The following CENPB variants were observed in gnomAD, a reference collection of about 807,000 sequenced individuals.
CENPB encodes major centromere autoantigen B.
A neutral mutation model predicts 41.9 loss-of-function variants in CENPB; 19 were observed. The observed-to-expected ratio is 0.45, with a 90% CI of 0.32 to 0.67. CENPB has a LOEUF of 0.67. Among genes scored for constraint, CENPB ranks in the 30% least tolerant of loss-of-function variants. The pLI is 0.04. For synonymous variants in CENPB, 399 were observed against 354.4 expected, an observed-to-expected ratio of 1.13 and a Z score of -1.41; for missense variants, 614 against 816.2, an observed-to-expected ratio of 0.75 and a Z score of 3.02.
Position 3,784,909 on chromosome 20 carries a change from TTCATCA to T in CENPB, c.1569_1574del (p.Asp523_Asp524del), listed in dbSNP as rs1374830574. ...CCTCATCATCATCGTCGTCTTCATC[TTCATCA>T]TCCTCTTCCTCATCGTCCTCTTCCT... On this transcript the variant is annotated inframe_deletion, in exon 1 of 1. Transcript: ENST00000379751. This position sits in a 1 kb window ranked among gnomAD's most constrained non-coding sequence, Gnocchi z 5.2. 1 of 1,613,976 alleles carries T rather than the reference TTCATCA, an allele frequency of 6.2e-7. No homozygotes were observed. The highest frequency in any genetic ancestry group is 1.1e-5 in the South Asian group (1 of 91,060).
chr20:3,785,842 G>C lies in CENPB; in HGVS notation c.642C>G (p.Gly214=). The part of the protein sequence containing the change: ...LPDQAAGLCG[G]DGRPRQATQR... ...GGGTGGCTTGACGCGGCCGTCCGTC[G>C]CCTCCGCACAGCCCCGCGGCCTGGT... Residue 214 remains glycine (G), a synonymous_variant, in exon 1 of 1, where the codon GGC becomes GGG. Coordinates refer to ENST00000379751, the MANE Select transcript of CENPB (RefSeq NM_001810.6). 1 of 1,608,666 alleles carries C rather than the reference G, an allele frequency of 6.2e-7. No individual in the cohort carries two copies. The highest frequency in any genetic ancestry group is 2.2e-5 in the East Asian group (1 of 44,728).
Position 3,784,701 on chromosome 20 carries a change from G to C in CENPB, c.1783C>G (p.Leu595Val). 6.2e-7 allele frequency: 1 copy of C among 1,614,046 alleles called. No individual in the cohort carries two copies. The highest frequency in any genetic ancestry group is 8.5e-7 in the Non-Finnish European group (1 of 1,179,984). ...NHARQAGVRG[L>V]GHQS Reference sequence around the variant, plus strand: ...CCAGTGACTCAGCTTTGATGTCCAAGACCTCGAACTCCCGCCTGCCTGGCG... The same window carrying C: ...CCAGTGACTCAGCTTTGATGTCCAACACCTCGAACTCCCGCCTGCCTGGCG... Residue 595 changes from leucine to valine, a missense_variant, in exon 1 of 1, where the codon CTT (leucine) becomes GTT (valine). Transcript: ENST00000379751. The surrounding 1 kb of genome is among the most constrained non-coding windows in gnomAD (Gnocchi z 5.2).
In CENPB at chr20:3,786,502, C is replaced by A; in HGVS notation, c.-19G>T. ...GGCCCATCCCGGCGCGCCCCCCGCC[C>A]CGGGGCCCGGCGCCGCCGCCGCCGC... On this transcript the variant is annotated 5_prime_UTR_variant, in exon 1 of 1. Transcript: ENST00000379751. 8.5e-7 allele frequency: 1 copy of A among 1,174,680 alleles called. No individual in the cohort carries two copies. Among genetic ancestry groups the A allele is most frequent in the Non-Finnish European group, 1.1e-6 (1 of 929,300 alleles). 72.8% of individuals were successfully genotyped at this position (1,174,680 alleles called of 1,614,324 possible).
rs1457919091 is a variant in CENPB at position 3,784,912 on chromosome 20, A to G, written c.1572T>C (p.Asp524=). ...CATCATCATCGTCGTCTTCATCTTCATCATCCTCTTCCTCATCGTCCTCTT... is the reference window on the plus strand; with the variant it reads ...CATCATCATCGTCGTCTTCATCTTCGTCATCCTCTTCCTCATCGTCCTCTT... ...SEEEDDEEED[D]EDEDDDDDEE... The change falls in exon 1 of 1, where the codon GAT becomes GAC. Residue 524 remains aspartate, a synonymous_variant. Coordinates refer to ENST00000379751, the MANE Select transcript of CENPB (RefSeq NM_001810.6). This position sits in a 1 kb window ranked among gnomAD's most constrained non-coding sequence, Gnocchi z 5.2. 1.8e-5 allele frequency: 29 copies of G among 1,613,854 alleles called. No homozygotes were observed. Among genetic ancestry groups the G allele is most frequent in the Non-Finnish European group, 2.3e-5 (27 of 1,179,888 alleles).
rs1307631278 is a variant in CENPB at position 3,785,224 on chromosome 20, A to G, written c.1260T>C (p.Gly420=). 1 of 1,231,156 alleles carries G rather than the reference A, an allele frequency of 8.1e-7. No homozygotes were observed. The highest frequency in any genetic ancestry group is 5.8e-5 in the East Asian group (1 of 17,140). 76.3% of individuals were successfully genotyped at this position (1,231,156 alleles called of 1,614,324 possible). ...CTTCCTCCTCCTCTTCCTCTCCTTC[A>G]CCCTCTTCCTCCTCCTCTTCTTCCT... The part of the protein sequence containing the change: ...EEEEEEEEEE[G]EGEEEEEEGE... Residue 420 remains glycine, a synonymous_variant, in exon 1 of 1, where the codon GGT becomes GGC. Transcript: ENST00000379751.
Position 3,784,662 on chromosome 20 carries a change from G to A in CENPB, c.*22C>T, listed in dbSNP as rs1386334397. On this transcript the variant is annotated 3_prime_UTR_variant, in exon 1 of 1. Coordinates refer to ENST00000379751, the MANE Select transcript of CENPB (RefSeq NM_001810.6). This position sits in a 1 kb window ranked among gnomAD's most constrained non-coding sequence, Gnocchi z 5.2. ...GGGTGGTGCTGCCAATCTAGGTTGG[G>A]GGCACAGCTAGGTCCAGTGACTCAG... 5.6e-6 allele frequency: 9 copies of A among 1,612,008 alleles called. No individual in the cohort carries two copies. The highest frequency in any genetic ancestry group is 6.8e-6 in the Non-Finnish European group (8 of 1,179,004).
In CENPB at chr20:3,785,839, G is replaced by A. The variant is rs1342210994; in HGVS notation, c.645C>T (p.Asp215=). ...GCTGGGTGGCTTGACGCGGCCGTCC[G>A]TCGCCTCCGCACAGCCCCGCGGCCT... ...PDQAAGLCGG[D]GRPRQATQRL... is the part of the protein sequence containing the mutation. The change falls in exon 1 of 1, where the codon GAC becomes GAT. Residue 215 remains aspartate, a synonymous_variant. Transcript: ENST00000379751. The A allele has an allele frequency of 2.5e-6, 4 of 1,608,788 alleles. No homozygotes were observed. Among genetic ancestry groups the A allele is most frequent in the Middle Eastern group, 1.7e-4 (1 of 6,048 alleles).
rs542584402 is a variant in CENPB, at chr20:3,786,044, G to A, written c.440C>T (p.Ala147Val). ...GVARARARNA[A>V]PRTPAAPASP... ...GGCAGGCGCCGCCGGGGTGCGGGGGGCAGCGTTTCGCGCGCGGGCGCGGGC... is the reference window on the plus strand; with the variant it reads ...GGCAGGCGCCGCCGGGGTGCGGGGGACAGCGTTTCGCGCGCGGGCGCGGGC... The change falls in exon 1 of 1, where the codon GCC becomes GTC. Residue 147 changes from alanine (A) to valine (V), a missense_variant. Transcript: ENST00000379751. 5 of 1,482,114 alleles carry A rather than the reference G, an allele frequency of 3.4e-6. No homozygotes were observed. The highest frequency in any genetic ancestry group is 3.5e-6 in the Non-Finnish European group (4 of 1,130,612). The allele number at this position is 1,482,114 out of a possible 1,614,324, so 91.8% of individuals were successfully genotyped here. A position where few individuals can be genotyped will look rare whatever the true frequency, so the allele number is the denominator to read the frequency against.
Position 3,784,866 on chromosome 20 carries a change from G to A in CENPB, c.1618C>T (p.Pro540Ser), listed in dbSNP as rs2088802997. ...ATGGCCTCCCCAAAGCTGGGTACAGGCACCTCATCACCATCCTCCTCATCA... is the reference window on the plus strand; with the variant it reads ...ATGGCCTCCCCAAAGCTGGGTACAGACACCTCATCACCATCCTCCTCATCA... ...DDDEEDGDEV[P>S]VPSFGEAMAY... The change falls in exon 1 of 1, where the codon CCT becomes TCT. Residue 540 changes from proline to serine, a missense_variant. Coordinates refer to ENST00000379751, the MANE Select transcript of CENPB (RefSeq NM_001810.6). This position sits in a 1 kb window ranked among gnomAD's most constrained non-coding sequence, Gnocchi z 5.2. 1.2e-6 allele frequency: 2 copies of A among 1,613,972 alleles called. No individual in the cohort carries two copies. Among genetic ancestry groups the A allele is most frequent in the Non-Finnish European group, 1.7e-6 (2 of 1,179,952 alleles).
Position 3,785,595 on chromosome 20 carries a change from C to G in CENPB, c.889G>C (p.Gly297Arg). The part of the protein sequence containing the change: ...AESRRVLLLA[G>R]RLAAQSLDTS... ...TCCAAGGACTGGGCAGCCAAGCGGCCGGCCAACAGCAGGACCCGGCGAGAC... is the reference window on the plus strand; with the variant it reads ...TCCAAGGACTGGGCAGCCAAGCGGCGGGCCAACAGCAGGACCCGGCGAGAC... Residue 297 changes from glycine (G) to arginine (R), a missense_variant, in exon 1 of 1, where the codon GGC (glycine) becomes CGC (arginine). Physicochemically the swap from Gly to Arg is moderately radical, Grantham distance 125. Around this residue, in one of 2 missense-constraint regions of CENPB, gnomAD observed 537 missense variants for 629.4 expected, o/e 0.85. Coordinates refer to ENST00000379751, the MANE Select transcript of CENPB (RefSeq NM_001810.6). 6.2e-7 allele frequency: 1 copy of G among 1,601,314 alleles called. No homozygotes were observed. Among genetic ancestry groups the G allele is most frequent in the South Asian group, 1.1e-5 (1 of 89,558 alleles).
chr20:3,785,859 C>G lies in CENPB; in HGVS notation c.625G>C (p.Ala209Pro). The G allele has an allele frequency of 6.2e-7, 1 of 1,608,462 alleles. No homozygotes were observed. The highest frequency in any genetic ancestry group is 8.5e-7 in the Non-Finnish European group (1 of 1,178,356). Reference sequence around the variant, plus strand: ...CGTCCGTCGCCTCCGCACAGCCCCGCGGCCTGGTCGGGCAGGAAGTCGTAC... The same window carrying G: ...CGTCCGTCGCCTCCGCACAGCCCCGGGGCCTGGTCGGGCAGGAAGTCGTAC... ...LWYDFLPDQA[A>P]GLCGGDGRPR... The change falls in exon 1 of 1, where the codon GCG (alanine) becomes CCG (proline). Residue 209 changes from alanine to proline, a missense_variant. Ala to Pro is a conservative substitution (Grantham distance 27, BLOSUM62 -1). Coordinates refer to ENST00000379751, the MANE Select transcript of CENPB (RefSeq NM_001810.6).
chr20:3,786,222 TCTGCTGGAACCAGGCGATGAG>T lies in CENPB; in HGVS notation c.241_261del (p.Leu81_Gln87del). 1 of 1,602,214 alleles carries T rather than the reference TCTGCTGGAACCAGGCGATGAG, an allele frequency of 6.2e-7. No individual in the cohort carries two copies. Among genetic ancestry groups the T allele is most frequent in the Non-Finnish European group, 8.5e-7 (1 of 1,178,982 alleles). On this transcript the variant is annotated inframe_deletion, in exon 1 of 1. Transcript: ENST00000379751. ...TTGACCGGCAGGCCGGCGGCGCGGA[TCTGCTGGAACCAGGCGATGAG>T]CAAGCCCTCGAGCTTGTCGTAGGGA...
rs116448673 is a variant in CENPB at position 3,784,843 on chromosome 20, G to A, written c.1641C>T (p.Ala547=). Residue 547 remains alanine (A), a synonymous_variant, in exon 1 of 1, where the codon GCC becomes GCT. Transcript: ENST00000379751. The surrounding 1 kb of genome is among the most constrained non-coding windows in gnomAD (Gnocchi z 5.2). The part of the protein sequence containing the change: ...DEVPVPSFGE[A]MAYFAMVKRY... ...TCTTGACCATGGCAAAGTAAGCCAT[G>A]GCCTCCCCAAAGCTGGGTACAGGCA... 2.0e-3 allele frequency: 3,265 copies of A among 1,614,068 alleles called. 45 individuals carry two copies. The African/African-American group carries it at 0.036, about 18-fold the overall frequency.
Position 3,785,209 on chromosome 20 carries a change from C to A in CENPB, c.1275G>T (p.Glu425Asp). 7.1e-7 allele frequency: 1 copy of A among 1,417,092 alleles called. No homozygotes were observed. The highest frequency in any genetic ancestry group is 9.4e-7 in the Non-Finnish European group (1 of 1,064,820). The allele number at this position is 1,417,092 out of a possible 1,614,324, so 87.8% of individuals were successfully genotyped here. ...EEEEEGEGEE[E>D]EEEGEEEEEE... ...CCTCCTCCTCCTCCCCTTCCTCCTC[C>A]TCTTCCTCTCCTTCACCCTCTTCCT... Residue 425 changes from glutamate to aspartate, a missense_variant, in exon 1 of 1, where the codon GAG becomes GAT. Transcript: ENST00000379751.
rs760360102 is a variant in CENPB at position 3,786,040 on chromosome 20, G to A, written c.444C>T (p.Pro148=). ...VARARARNAA[P]RTPAAPASPA... is the part of the protein sequence containing the mutation. ...GACTGGCAGGCGCCGCCGGGGTGCGGGGGGCAGCGTTTCGCGCGCGGGCGC... is the reference window on the plus strand; with the variant it reads ...GACTGGCAGGCGCCGCCGGGGTGCGAGGGGCAGCGTTTCGCGCGCGGGCGC... Residue 148 remains proline (P), a synonymous_variant, in exon 1 of 1, where the codon CCC becomes CCT. Transcript: ENST00000379751. 2.0e-6 allele frequency: 3 copies of A among 1,470,522 alleles called. No homozygotes were observed. The highest frequency in any genetic ancestry group is 5.4e-5 in the Admixed American group (2 of 37,350). 91.1% of individuals were successfully genotyped at this position (1,470,522 alleles called of 1,614,324 possible).
chr20:3,785,599 C>A lies in CENPB; in HGVS notation c.885G>T (p.Leu295Phe). The change falls in exon 1 of 1, where the codon TTG (leucine) becomes TTT (phenylalanine). Residue 295 changes from leucine to phenylalanine, a missense_variant. Transcript: ENST00000379751. Reference protein sequence around the residue: ...MAAESRRVLLLAGRLAAQSLD... With the variant: ...MAAESRRVLLFAGRLAAQSLD... ...AGGACTGGGCAGCCAAGCGGCCGGC[C>A]AACAGCAGGACCCGGCGAGACTCTG... The A allele has an allele frequency of 6.2e-7, 1 of 1,602,318 alleles. No individual in the cohort carries two copies. Among genetic ancestry groups the A allele is most frequent in the Non-Finnish European group, 8.5e-7 (1 of 1,174,876 alleles).
In CENPB at chr20:3,784,345, A is replaced by C; in HGVS notation, c.*339T>G. 2.3e-5 allele frequency: 6 copies of C among 257,554 alleles called. No homozygotes were observed. The highest frequency in any genetic ancestry group is 1.1e-4 in the East Asian group (1 of 9,248). The allele number at this position is 257,554 out of a possible 1,614,324, so 16.0% of individuals were successfully genotyped here. A position where few individuals can be genotyped will look rare whatever the true frequency, so the allele number is the denominator to read the frequency against. Reference sequence around the variant, plus strand: ...GGGGAGAGGCACTCTCCGGCCGGGAACCTCCAGGGCCCATCCCTGGCTGCT... The same window carrying C: ...GGGGAGAGGCACTCTCCGGCCGGGACCCTCCAGGGCCCATCCCTGGCTGCT... On this transcript the variant is annotated 3_prime_UTR_variant, in exon 1 of 1. Transcript: ENST00000379751. This position sits in a 1 kb window ranked among gnomAD's most constrained non-coding sequence, Gnocchi z 5.2.
In CENPB at chr20:3,786,274, C is replaced by T; in HGVS notation, c.210G>A (p.Lys70=). ...GVASTCRKTN[K]LSPYDKLEGL... ...CCTCGAGCTTGTCGTAGGGAGACAG[C>T]TTGTTGGTCTTGCGGCAGGTGGAGG... The change falls in exon 1 of 1, where the codon AAG becomes AAA. Residue 70 remains lysine (K), a synonymous_variant. Coordinates refer to ENST00000379751, the MANE Select transcript of CENPB (RefSeq NM_001810.6). 1 of 1,607,816 alleles carries T rather than the reference C, an allele frequency of 6.2e-7. No homozygotes were observed. The highest frequency in any genetic ancestry group is 1.1e-5 in the South Asian group (1 of 91,072).
In CENPB at chr20:3,784,900, G is replaced by A. The variant is rs145673518; in HGVS notation, c.1584C>T (p.Asp528=). ...CACCATCCTCCTCATCATCATCGTC[G>A]TCTTCATCTTCATCATCCTCTTCCT... The part of the protein sequence containing the change: ...DDEEEDDEDE[D]DDDDEEDGDE... The change falls in exon 1 of 1, where the codon GAC becomes GAT. Residue 528 remains aspartate (D), a synonymous_variant. Coordinates refer to ENST00000379751, the MANE Select transcript of CENPB (RefSeq NM_001810.6). The surrounding 1 kb of genome is among the most constrained non-coding windows in gnomAD (Gnocchi z 5.2). 260 of 1,613,696 alleles carry A rather than the reference G, an allele frequency of 1.6e-4. No homozygotes were observed. The highest frequency in any genetic ancestry group is 1.9e-4 in the Non-Finnish European group (225 of 1,179,866).
Sources: gnomAD v4.1 joint callset for allele counts on GRCh38, gnomAD v4.1.1 for gene constraint, gnomAD v4.1.1 regional missense constraint, Gnocchi (gnomAD v3.1) non-coding constraint, MANE v1.5 for transcripts, NCBI Gene and HGNC (gene_info 2026-07-23, HGNC 2026-07-21) for gene names.